The following MMS19 variants were observed in gnomAD, a reference collection of about 807,000 sequenced individuals.
The protein encoded by MMS19 is MMS19 cytosolic iron-sulfur assembly component, also known as MMS19 nucleotide excision repair protein homolog.
A neutral mutation model predicts 129.8 loss-of-function variants in MMS19; 77 were observed. The ratio of observed to expected loss-of-function variants is 0.59; its 90% CI spans 0.49 to 0.72. MMS19 has a LOEUF of 0.72. MMS19 is among the 30% of genes least tolerant of loss of function. The probability of loss-of-function intolerance (pLI) is 0.00; values close to 1 mark genes in which losing one functional copy is unlikely to be tolerated. For missense variants in MMS19, 1,168 were observed against 1,266.3 expected (o/e 0.92, Z 1.18); for synonymous variants, 491 against 502.8 (o/e 0.98, Z 0.31).
At chr10:97,463,815 G>C (rs767803820) in intron 19 of MMS19, 43 bp downstream of exon 19, 6 of 1,584,102 alleles carry the variant, frequency 3.8e-6, no homozygotes, top group Non-Finnish European at 5.2e-6. Flanking sequence ...CACCAGCAGA[G>C]GGCAAAGTTC....
chr10:97,475,728 C>T (rs2135389880), intron 8 of MMS19, among the ~76,000 whole-genome samples: 1 of 152,228 alleles, frequency 6.6e-6, no homozygotes. Context: ...CAGAGCGAGA[C>T]TCCATCTCAA....
At chr10:97,477,007 G>T (rs2035898200) in intron 6 of MMS19, 44 bp from the exon 7 acceptor site, 1 of 1,610,856 alleles carries the variant, frequency 6.2e-7, no homozygotes, top group Non-Finnish European at 8.5e-7. Context: ...CCACAGCACA[G>T]AAAGTGTGGG....
chr10:97,489,651 A>G (rs1280775328), intron 1 of MMS19, among the ~76,000 whole-genome samples: 1 of 152,230 alleles, frequency 6.6e-6, no homozygotes, highest in African/African-American at 2.4e-5. Context: ...GGATCCAATT[A>G]AGAATACCAA....
chr10:97,498,516 T>A, upstream of MMS19: 1 of 1,359,110 alleles, frequency 7.4e-7, no homozygotes, highest in Non-Finnish European at 9.9e-7. Context: ...CCTGCCGGCT[T>A]CTGCCTAGGC....
intron 19 of MMS19, 134 bp downstream of exon 19, chr10:97,463,724 T>C (rs2032676150): frequency 1.1e-6 from 1 of 886,066 alleles, no homozygotes; most frequent in Admixed American, 2.8e-5. Flanking sequence ...GAAATCTCAC[T>C]CTGAGGACAA....
At chr10:97,494,163 G>T (rs1481051375) in intron 1 of MMS19, among the ~76,000 whole-genome samples, 41 of 152,226 alleles carry the variant, frequency 2.7e-4, no homozygotes, top group Non-Finnish European at 2.9e-5. Context: ...AAAAATCAGT[G>T]TAAGTTCATT....
At chr10:97,461,139 C>CA in intron 23 of MMS19, 132 bp from the exon 24 acceptor site, 1 of 751,480 alleles carries the variant, frequency 1.3e-6, no homozygotes. Flanking sequence ...TGCCTGTGGA[C>CA]AAAATGATTG....
chr10:97,496,511 C>CAAAA (rs11357826), intron 1 of MMS19, among the ~76,000 whole-genome samples: 2 of 108,050 alleles, frequency 1.9e-5, no homozygotes, highest in Non-Finnish European at 3.9e-5. Context: ...GACCTTGTCT[C>CAAAA]AAAAAAAAAA....
intron 8 of MMS19, among the ~76,000 whole-genome samples, chr10:97,475,606 C>T (rs2861956): frequency 2.6e-5 from 4 of 152,062 alleles, no homozygotes; most frequent in African/African-American, 9.7e-5. Flanking sequence ...GGCATGGTGG[C>T]GGGCGCCTGT....
intron 25 of MMS19, 101 bp from the exon 26 acceptor site, chr10:97,460,333 G>C: frequency 2.6e-6 from 3 of 1,166,886 alleles, no homozygotes; most frequent in Non-Finnish European, 3.6e-6. Flanking sequence ...TGTAATCCTA[G>C]CACTTTGGGA....
intron 2 of MMS19, among the ~76,000 whole-genome samples, 188 bp from the exon 3 acceptor site, chr10:97,481,230 C>T (rs1194281135): frequency 2.0e-5 from 3 of 152,130 alleles, no homozygotes; most frequent in Non-Finnish European, 4.4e-5. Context: ...GGACAGAAGG[C>T]TTAAGAGCGA....
chr10:97,461,948 C>A, intron 21 of MMS19, 52 bp from the exon 22 acceptor site: 1 of 1,570,532 alleles, frequency 6.4e-7, no homozygotes, highest in African/African-American at 1.4e-5. Context: ...GCTTGTCTGC[C>A]CCTCTACCCA....
Position 97,484,084 on chromosome 10 carries a change from C to A in MMS19, c.161+19G>T. The A allele has an allele frequency of 2.0e-6, 3 of 1,510,340 alleles. No homozygotes were observed. The highest frequency in any genetic ancestry group is 1.8e-6 in the Non-Finnish European group (2 of 1,109,532). The allele number at this position is 1,510,340 out of a possible 1,614,324, so 93.6% of individuals were successfully genotyped here. On this transcript the variant is annotated intron_variant, in intron 2 of 30. Coordinates refer to ENST00000438925, the MANE Select transcript of MMS19 (RefSeq NM_022362.5). ...ACAGTCAGGGTTGGAGAAGAACATT[C>A]TATAGCAGAGGCTCTTACCCAAGGG...
chr10:97,494,589 G>A (rs2039475198), intron 1 of MMS19, among the ~76,000 whole-genome samples: 1 of 152,082 alleles, frequency 6.6e-6, no homozygotes, highest in South Asian at 2.1e-4. Context: ...TATTCTTAGG[G>A]AATCACAAAC....
intron 3 of MMS19, among the ~76,000 whole-genome samples, chr10:97,480,027 G>C (rs1399235213): frequency 6.6e-6 from 1 of 152,114 alleles, no homozygotes. Context: ...TTCCCATGGC[G>C]TTCCTGCCCT....
chr10:97,458,937 C>G, intron 29 of MMS19, 37 bp from the exon 30 acceptor site: 1 of 1,595,834 alleles, frequency 6.3e-7, no homozygotes, highest in Non-Finnish European at 8.6e-7. Flanking sequence ...CTTGCTCATC[C>G]AAGGCAACTG....
intron 8 of MMS19, among the ~76,000 whole-genome samples, chr10:97,472,318 C>T (rs2034890560): frequency 6.6e-6 from 1 of 152,168 alleles, no homozygotes; most frequent in African/African-American, 2.4e-5. Flanking sequence ...TGGCTCACTG[C>T]AGCCTCTGCC....
chr10:97,498,476 C>G (rs758681003), upstream of MMS19: 67 of 1,513,192 alleles, frequency 4.4e-5, 1 homozygote, highest in East Asian at 5.0e-5. Context: ...TCCGGGGAAG[C>G]GCAAGGGGGC....
At chr10:97,492,686 TAA>T (rs1159316265) in intron 1 of MMS19, among the ~76,000 whole-genome samples, 83 of 133,518 alleles carry the variant, frequency 6.2e-4, no homozygotes, top group Middle Eastern at 3.8e-3. Context: ...CTGTTTCTAC[TAA>T]AAAAAAAAAA....
Sources: gnomAD v4.1 joint callset for allele counts (sites outside exome capture counted in the v4.1 genomes callset) on GRCh38, gnomAD v4.1.1 for gene constraint, MANE v1.5 for transcripts, NCBI Gene and HGNC (gene_info 2026-07-23, HGNC 2026-07-21) for gene names.